IL15RA: variants seen among roughly 807,000 people sequenced by gnomAD.
IL15RA encodes the protein interleukin 15 receptor subunit alpha.
A neutral mutation model predicts 24.2 loss-of-function variants in IL15RA; 26 were observed. That is an observed-to-expected ratio of 1.07 (90% CI 0.79 to 1.49). The LOEUF is 1.49. IL15RA is among the 40% of genes most tolerant of loss of function. The pLI, the probability that IL15RA is intolerant of heterozygous loss-of-function variation, is 0.00. For missense variants in IL15RA, 354 were observed against 356.4 expected (o/e 0.99, Z 0.05); for synonymous variants, 166 against 157.6 (o/e 1.05, Z -0.40).
At position 5,952,902 on chromosome 10, in the gene IL15RA, T is replaced by TG. The variant is rs1834005069; in HGVS notation, c.*192dup. 1.6e-6 allele frequency: 1 copy of TG among 609,330 alleles called. No homozygotes were observed. Among genetic ancestry groups the TG allele is most frequent in the East Asian group, 2.7e-5 (1 of 36,572 alleles). The allele number at this position is 609,330 out of a possible 1,614,324, so 37.7% of individuals were successfully genotyped here. Reference sequence around the variant, plus strand: ...ACGACAGGCAGGCAGGTGGTGCCCATGGGAATGCGGAGAACCTGCTCCCTC... The same window carrying TG: ...ACGACAGGCAGGCAGGTGGTGCCCATGGGGAATGCGGAGAACCTGCTCCCTC... On this transcript the variant is annotated 3_prime_UTR_variant, in exon 7 of 7. Coordinates refer to ENST00000379977, the MANE Select transcript of IL15RA (RefSeq NM_002189.4).
Position 5,955,847 on chromosome 10 carries a change from C to G in IL15RA, c.692+532G>C, listed in dbSNP as rs936250396. Reference sequence around the variant, plus strand: ...ACCTGGTGCACTTTCTCTGGCCGCCCCATTTCTACCATGAGCAGGGGTAGG... The same window carrying G: ...ACCTGGTGCACTTTCTCTGGCCGCCGCATTTCTACCATGAGCAGGGGTAGG... On this transcript the variant is annotated intron_variant, in intron 6 of 6. Transcript: ENST00000379977. The surrounding 1 kb of genome is among the most constrained non-coding windows in gnomAD (Gnocchi z 5.3). Among the ~76,000 whole-genome samples, 1 of 152,088 alleles carries G rather than the reference C, an allele frequency of 6.6e-6. No homozygotes were observed. The highest frequency in any genetic ancestry group is 2.4e-5 in the African/African-American group (1 of 41,416).
At position 5,975,494 on chromosome 10, in the gene IL15RA, G is replaced by A. The variant is rs914541572; in HGVS notation, c.88+1911C>T. Among the ~76,000 whole-genome samples, 5 of 151,082 alleles carry A rather than the reference G, an allele frequency of 3.3e-5. No homozygotes were observed. Among genetic ancestry groups the A allele is most frequent in the African/African-American group, 1.2e-4 (5 of 40,508 alleles). ...CTCTTGGTGGTGGCAGTGGTTTCAT[G>A]AGTATGTATGCATTTACCTCCAAAC... On this transcript the variant is annotated intron_variant, in intron 1 of 6. Coordinates refer to ENST00000379977, the MANE Select transcript of IL15RA (RefSeq NM_002189.4). The surrounding 1 kb of genome is among the most constrained non-coding windows in gnomAD (Gnocchi z 4.8).
rs1835469394 is a variant in IL15RA, at chr10:5,961,287, C to G, written c.383-720G>C. ...GTGTGGTGGGCATGTGCCTATAGTTCCAGCTATCTGAGAGGCTGAGGCAAG... is the reference window on the plus strand; with the variant it reads ...GTGTGGTGGGCATGTGCCTATAGTTGCAGCTATCTGAGAGGCTGAGGCAAG... On this transcript the variant is annotated intron_variant, in intron 3 of 6. Transcript: ENST00000379977. This position sits in a 1 kb window ranked among gnomAD's most constrained non-coding sequence, Gnocchi z 5.2. Among the ~76,000 whole-genome samples the G allele has an allele frequency of 6.6e-6, 1 of 152,124 alleles. No homozygotes were observed. Among genetic ancestry groups the G allele is most frequent in the Admixed American group, 6.5e-5 (1 of 15,268 alleles).
chr10:5,963,245 C>T lies in IL15RA; in HGVS notation c.382+498G>A, dbSNP rs1330884094. 1.3e-5 allele frequency among the ~76,000 whole-genome samples: 2 copies of T among 152,206 alleles called. No homozygotes were observed. The highest frequency in any genetic ancestry group is 4.8e-5 in the African/African-American group (2 of 41,440). On this transcript the variant is annotated intron_variant, in intron 3 of 6. Coordinates refer to ENST00000379977, the MANE Select transcript of IL15RA (RefSeq NM_002189.4). The surrounding 1 kb of genome is among the most constrained non-coding windows in gnomAD (Gnocchi z 5.3). ...GCTTGGGTCTCGGAAGCCCAGGCTT[C>T]CTCTCCCACAGTGCAGCCCGCTGAG...
In IL15RA at chr10:5,966,210, G is replaced by C; in HGVS notation, c.218C>G (p.Thr73Arg). 6.2e-7 allele frequency: 1 copy of C among 1,614,076 alleles called. No individual in the cohort carries two copies. Among genetic ancestry groups the C allele is most frequent in the Admixed American group, 1.7e-5 (1 of 60,020 alleles). Residue 73 changes from threonine (T) to arginine (R), a missense_variant, in exon 2 of 7, where the codon ACG (threonine) becomes AGG (arginine). Thr to Arg is a moderately conservative substitution (Grantham distance 71, BLOSUM62 -1). Coordinates refer to ENST00000379977, the MANE Select transcript of IL15RA (RefSeq NM_002189.4). This position sits in a 1 kb window ranked among gnomAD's most constrained non-coding sequence, Gnocchi z 6.4. ...FKRKAGTSSL[T>R]ECVLNKATNV... ...CGTGGCCTTGTTCAACACGCACTCC[G>C]TCAGGCTGGACGTGCCGGCTTTACG...
chr10:5,970,717 GATTTT>G lies in IL15RA; in HGVS notation c.89-4383_89-4379del, dbSNP rs1248766120. Among the ~76,000 whole-genome samples the G allele has an allele frequency of 3.4e-5, 5 of 148,802 alleles. No homozygotes were observed. The highest frequency in any genetic ancestry group is 5.9e-5 in the Non-Finnish European group (4 of 67,616). On this transcript the variant is annotated intron_variant, in intron 1 of 6. Transcript: ENST00000379977. The surrounding 1 kb of genome is among the most constrained non-coding windows in gnomAD (Gnocchi z 4.1). ...CATTTTATTATTTTATTTTTAAAAT[GATTTT>G]ATTTTATTTCATTATTATTTTATTT...
chr10:5,958,370 G>A lies in IL15RA; in HGVS notation c.616+1384C>T, dbSNP rs542454717. The A allele has an allele frequency of 4.5e-6, 2 of 444,312 alleles. No individual in the cohort carries two copies. The highest frequency in any genetic ancestry group is 1.4e-4 in the East Asian group (2 of 14,280). The allele number at this position is 444,312 out of a possible 1,614,324, so 27.5% of individuals were successfully genotyped here. On this transcript the variant is annotated intron_variant, in intron 5 of 6. Transcript: ENST00000379977. This position sits in a 1 kb window ranked among gnomAD's most constrained non-coding sequence, Gnocchi z 4.3. ...TTCCTTCCTGCAAGGGGATTTTTGA[G>A]TTAGAAATGGGATTTGCTTTTCGTC...
At chr10:5,951,322 C>G (rs1207799525), downstream of IL15RA, among the ~76,000 whole-genome samples, 4 of 150,978 alleles carry the variant, frequency 2.6e-5, no homozygotes, top group African/African-American at 9.8e-5. Context: ...GACTCTGTCC[C>G]CTCCCCCACA....
Position 5,957,197 on chromosome 10 carries a change from G to T in IL15RA, c.617-743C>A, listed in dbSNP as rs1050341077. Among the ~76,000 whole-genome samples the T allele has an allele frequency of 2.6e-5, 4 of 151,992 alleles. No homozygotes were observed. The East Asian group carries it at 7.7e-4, about 29-fold the overall frequency. On this transcript the variant is annotated intron_variant, in intron 5 of 6. Transcript: ENST00000379977. ...GCTAGTCTCAAACTCCTGACCTCAA[G>T]TGATCCACCTGCCTCAGCCTCCCAA...
intron 1 of IL15RA, among the ~76,000 whole-genome samples, chr10:5,974,223 C>A (rs969459963): frequency 2.6e-5 from 4 of 152,170 alleles, no homozygotes; most frequent in Non-Finnish European, 5.9e-5. Context: ...TGGTCTCGAA[C>A]TCCTGGCCTC....
In IL15RA at chr10:5,975,652, C is replaced by G. The variant is rs1174451975; in HGVS notation, c.88+1753G>C. ...CTGTAATCCCAGCACTTTGGAAGGC[C>G]GAGGCGGGCAGATCACAAGGTCAGG... is the stretch of plus-strand genomic sequence containing the variant. On this transcript the variant is annotated intron_variant, in intron 1 of 6. Transcript: ENST00000379977. The surrounding 1 kb of genome is among the most constrained non-coding windows in gnomAD (Gnocchi z 4.8). 6.6e-6 allele frequency among the ~76,000 whole-genome samples: 1 copy of G among 151,992 alleles called. No homozygotes were observed. Among genetic ancestry groups the G allele is most frequent in the Admixed American group, 6.6e-5 (1 of 15,258 alleles).
Position 5,966,302 on chromosome 10 carries a change from T to G in IL15RA, c.126A>C (p.Ala42=), listed in dbSNP as rs1402503684. 6.2e-7 allele frequency: 1 copy of G among 1,612,758 alleles called. No individual in the cohort carries two copies. Among genetic ancestry groups the G allele is most frequent in the South Asian group, 1.1e-5 (1 of 91,064 alleles). The stretch of plus-strand genomic sequence containing the variant: ...AGCTGTAGCTCTTGACCCAGATGTC[T>G]GCGTGTTCCACGGACATGGGGGGAG... ...TCPPPMSVEH[A]DIWVKSYSLY... is the part of the protein sequence containing the mutation. Residue 42 remains alanine (A), a synonymous_variant, in exon 2 of 7, where the codon GCA becomes GCC. Coordinates refer to ENST00000379977, the MANE Select transcript of IL15RA (RefSeq NM_002189.4). This position sits in a 1 kb window ranked among gnomAD's most constrained non-coding sequence, Gnocchi z 6.4.
At position 5,968,852 on chromosome 10, in the gene IL15RA, G is replaced by C. The variant is rs769376212; in HGVS notation, c.89-2513C>G. 4 of 972,004 alleles carry C rather than the reference G, an allele frequency of 4.1e-6. No individual in the cohort carries two copies. In the South Asian group the frequency reaches 5.5e-5, roughly 13 times the overall value. 60.2% of individuals were successfully genotyped at this position (972,004 alleles called of 1,614,324 possible). ...TTGTCCTGAGTCTCACGCAGGCCTC[G>C]TGTGTCTGGACCTCATGGTTGAAGC... is the stretch of plus-strand genomic sequence containing the variant. On this transcript the variant is annotated intron_variant, in intron 1 of 6. Transcript: ENST00000379977. The surrounding 1 kb of genome is among the most constrained non-coding windows in gnomAD (Gnocchi z 5.4).
rs8177777 is a variant in IL15RA at position 5,968,901 on chromosome 10, G to A, written c.89-2562C>T. On this transcript the variant is annotated intron_variant, in intron 1 of 6. Transcript: ENST00000379977. The surrounding 1 kb of genome is among the most constrained non-coding windows in gnomAD (Gnocchi z 5.4). ...GCTTTCAGATATTCTGCTCCTTCCC[G>A]CCAGGACAGCCAGCCTGTCTCTTGC... 35,859 of 1,449,348 alleles carry A rather than the reference G, an allele frequency of 0.025. 555 individuals are homozygous for A. Among genetic ancestry groups the A allele is most frequent in the Non-Finnish European group, 0.03 (32,431 of 1,068,062 alleles). 89.8% of individuals were successfully genotyped at this position (1,449,348 alleles called of 1,614,324 possible). A position where few individuals can be genotyped will look rare whatever the true frequency, so the allele number is the denominator to read the frequency against.
At position 5,952,828 on chromosome 10, in the gene IL15RA, C is replaced by T. The variant is rs1833997974; in HGVS notation, c.*267G>A. On this transcript the variant is annotated 3_prime_UTR_variant, in exon 7 of 7. Coordinates refer to ENST00000379977, the MANE Select transcript of IL15RA (RefSeq NM_002189.4). ...ACACTGTAATGAAATAAAAATCCTG[C>T]TCAGAAGCCTTTGGTCTCTCCTGGG... 1 of 545,264 alleles carries T rather than the reference C, an allele frequency of 1.8e-6. No homozygotes were observed. The highest frequency in any genetic ancestry group is 1.9e-5 in the African/African-American group (1 of 53,040). The allele number at this position is 545,264 out of a possible 1,614,324, so 33.8% of individuals were successfully genotyped here.
Position 5,955,334 on chromosome 10 carries a change from C to T in IL15RA, c.692+1045G>A, listed in dbSNP as rs866707944. ...GGCTGGTCTCGAACTCCTGACCTCA[C>T]GCGATCTGCCTGCCTTGGCCTCCCG... On this transcript the variant is annotated intron_variant, in intron 6 of 6. Coordinates refer to ENST00000379977, the MANE Select transcript of IL15RA (RefSeq NM_002189.4). The surrounding 1 kb of genome is among the most constrained non-coding windows in gnomAD (Gnocchi z 5.3). Among the ~76,000 whole-genome samples, 11 of 151,942 alleles carry T rather than the reference C, an allele frequency of 7.2e-5. No individual in the cohort carries two copies. The highest frequency in any genetic ancestry group is 1.3e-4 in the Non-Finnish European group (9 of 67,976).
chr10:5,975,766 G>A lies in IL15RA; in HGVS notation c.88+1639C>T, dbSNP rs1053683303. 5.9e-5 allele frequency among the ~76,000 whole-genome samples: 9 copies of A among 152,100 alleles called. No homozygotes were observed. Among genetic ancestry groups the A allele is most frequent in the African/African-American group, 1.9e-4 (8 of 41,406 alleles). On this transcript the variant is annotated intron_variant, in intron 1 of 6. Transcript: ENST00000379977. The surrounding 1 kb of genome is among the most constrained non-coding windows in gnomAD (Gnocchi z 4.8). The stretch of plus-strand genomic sequence containing the variant: ...AAAGTTACTGGGCGTGGTGGCGATC[G>A]CCTGTAATCCCAGCTACTCAGGAGG...
At position 5,975,542 on chromosome 10, in the gene IL15RA, T is replaced by C. The variant is rs757803605; in HGVS notation, c.88+1863A>G. Among the ~76,000 whole-genome samples the C allele has an allele frequency of 6.6e-6, 1 of 151,786 alleles. No homozygotes were observed. Among genetic ancestry groups the C allele is most frequent in the Admixed American group, 6.6e-5 (1 of 15,228 alleles). On this transcript the variant is annotated intron_variant, in intron 1 of 6. Coordinates refer to ENST00000379977, the MANE Select transcript of IL15RA (RefSeq NM_002189.4). The surrounding 1 kb of genome is among the most constrained non-coding windows in gnomAD (Gnocchi z 4.8). ...AACTTATCAAAGTGTGCAACTTCAATATATGCAGTTTATTGTCGGTCAATT... is the reference window on the plus strand; with the variant it reads ...AACTTATCAAAGTGTGCAACTTCAACATATGCAGTTTATTGTCGGTCAATT...
chr10:5,966,124 G>T lies in IL15RA; in HGVS notation c.283+21C>A, dbSNP rs751486697. On this transcript the variant is annotated intron_variant, in intron 2 of 6. Transcript: ENST00000379977. The surrounding 1 kb of genome is among the most constrained non-coding windows in gnomAD (Gnocchi z 6.4). ...GGCAGGGTGGGGGAGGGAGGAAGGTGGGGTGGCAAGGGCTACTCACTAATG... is the reference window on the plus strand; with the variant it reads ...GGCAGGGTGGGGGAGGGAGGAAGGTTGGGTGGCAAGGGCTACTCACTAATG... 5 of 1,562,070 alleles carry T rather than the reference G, an allele frequency of 3.2e-6. No individual in the cohort carries two copies. Among genetic ancestry groups the T allele is most frequent in the Non-Finnish European group, 4.4e-6 (5 of 1,135,014 alleles).
Sources: allele counts gnomAD v4.1 joint callset (sites outside exome capture counted in the v4.1 genomes callset), GRCh38; gene constraint gnomAD v4.1.1; non-coding constraint Gnocchi (gnomAD v3.1); transcripts MANE v1.5; gene names NCBI Gene and HGNC (gene_info 2026-07-23, HGNC 2026-07-21).